Variants in BEST1 observed in about 807,000 individuals in gnomAD.
BEST1 encodes bestrophin-1.
In BEST1, 58 loss-of-function variants were observed where a neutral mutation model predicts 63.3. The ratio of observed to expected loss-of-function variants is 0.92; its 90% CI spans 0.74 to 1.14. The LOEUF (loss-of-function observed/expected upper bound fraction) is 1.14, where lower values mean the gene tolerates loss of function less well. Among genes scored for constraint, BEST1 ranks in the 50% most tolerant of loss-of-function variants. The pLI is 0.00. For missense variants in BEST1, 671 were observed against 740.1 expected (o/e 0.91, Z 1.08); for synonymous variants, 283 against 291.6 (o/e 0.97, Z 0.30).
At position 61,958,208 on chromosome 11, in the gene BEST1, C is replaced by A; in HGVS notation, c.777C>A (p.Asn259Lys). 6.2e-7 allele frequency: 1 copy of A among 1,614,168 alleles called. No homozygotes were observed. The change falls in exon 7 of 11, where the codon AAC (asparagine) becomes AAA (lysine). Residue 259 changes from asparagine to lysine, a missense_variant. Asn to Lys is a moderately conservative substitution (Grantham distance 94). Transcript: ENST00000378043. ...GTCTAGTTGGGCGGCAGTTTCTGAA[C>A]CCAGCCAAGGCCTACCCTGGCCATG... ...LTCLVGRQFL[N>K]PAKAYPGHEL...
Position 61,956,889 on chromosome 11 carries a change from T to C in BEST1, c.527T>C (p.Leu176Pro). 6.2e-7 allele frequency: 1 copy of C among 1,614,166 alleles called. No individual in the cohort carries two copies. The highest frequency in any genetic ancestry group is 8.5e-7 in the Non-Finnish European group (1 of 1,180,022). ...CACAAGCAGTTGGAGAAACTGAGCC[T>C]ACCACACAACATGTTCTGGGTGCCC... ...AEHKQLEKLS[L>P]PHNMFWVPWV... The change falls in exon 5 of 11, where the codon CTA becomes CCA. Residue 176 changes from leucine (L) to proline (P), a missense_variant. By Grantham distance (98) the Leu-to-Pro change is moderately conservative. Transcript: ENST00000378043.
chr11:61,952,588 T>C (rs2134413980), intron 2 of BEST1, among the ~76,000 whole-genome samples: 1 of 149,660 alleles, frequency 6.7e-6, no homozygotes, highest in Middle Eastern at 3.6e-3. Flanking sequence ...TGCCTTAGCC[T>C]CCTGAGTAGC....
In BEST1 at chr11:61,964,110, A is replaced by T. The variant is rs2134480680; in HGVS notation, c.1746A>T (p.Glu582Asp). 1 of 1,613,996 alleles carries T rather than the reference A, an allele frequency of 6.2e-7. No homozygotes were observed. The highest frequency in any genetic ancestry group is 2.2e-5 in the East Asian group (1 of 44,880). Residue 582 changes from glutamate to aspartate, a missense_variant, in exon 11 of 11, where the codon GAA becomes GAT. Coordinates refer to ENST00000378043, the MANE Select transcript of BEST1 (RefSeq NM_004183.4). ...DPYWALENRD[E>D]AHS Reference sequence around the variant, plus strand: ...ATACTTTCATTCTCACTAGGGATGAAGCACATTCCTAACCTGCTTCCTAAT... The same window carrying T: ...ATACTTTCATTCTCACTAGGGATGATGCACATTCCTAACCTGCTTCCTAAT...
At chr11:61,954,747 T>G (rs1474506592) in intron 2 of BEST1, 1 of 968,642 alleles carries the variant, frequency 1.0e-6, no homozygotes, top group African/African-American at 1.8e-5. Flanking sequence ...ACCGTGCCCG[T>G]CCCAAACACT....
At position 61,955,917 on chromosome 11, in the gene BEST1, G is replaced by A. The variant is rs1459263552; in HGVS notation, c.447G>A (p.Lys149=). The A allele has an allele frequency of 6.5e-7, 1 of 1,550,000 alleles. No homozygotes were observed. The highest frequency in any genetic ancestry group is 1.2e-5 in the South Asian group (1 of 84,038). Residue 149 remains lysine (K), a synonymous_variant, in exon 4 of 11, where the codon AAG becomes AAA. Coordinates refer to ENST00000378043, the MANE Select transcript of BEST1 (RefSeq NM_004183.4). ...ILRSVSTAVY[K]RFPSAQHLVQ... ...GCAGCGTCAGCACCGCAGTCTACAA[G>A]CGCTTCCCCAGCGCCCAGCACCTGG...
chr11:61,963,670 T>C, intron 10 of BEST1: 1 of 1,059,838 alleles, frequency 9.4e-7, no homozygotes, highest in Middle Eastern at 4.7e-4. Context: ...GGCAACAATT[T>C]CAGTCTTGCT....
chr11:61,963,111 C>A, intron 10 of BEST1: 1 of 1,462,026 alleles, frequency 6.8e-7, no homozygotes, highest in South Asian at 1.5e-5. Context: ...ACCCTGGTAT[C>A]ACCCGGAAGA....
chr11:61,959,073 A>T (rs1228940009), intron 7 of BEST1: 1 of 290,020 alleles, frequency 3.4e-6, no homozygotes, highest in East Asian at 8.4e-5. Flanking sequence ...GACGCGTGTC[A>T]CCTCTTCGGG....
At chr11:61,963,110 T>A in intron 10 of BEST1, 1 of 1,463,254 alleles carries the variant, frequency 6.8e-7, no homozygotes, top group Non-Finnish European at 9.0e-7. Context: ...CACCCTGGTA[T>A]CACCCGGAAG....
chr11:61,962,864 C>T lies in BEST1; in HGVS notation c.1710C>T (p.His570=). ...ACATACACACTACACTCAAAGATCA[C>T]ATGGATCCTTATTGGGCCTTGGAAA... ...PTNIHTTLKD[H]MDPYWALENR... The change falls in exon 10 of 11, where the codon CAC becomes CAT. Residue 570 remains histidine (H), a synonymous_variant. Transcript: ENST00000378043. 1 of 1,614,190 alleles carries T rather than the reference C, an allele frequency of 6.2e-7. No homozygotes were observed.
Position 61,962,099 on chromosome 11 carries a change from G to C in BEST1, c.1101-156G>C, listed in dbSNP as rs1015398139. The C allele has an allele frequency of 1.4e-5, 10 of 740,554 alleles. No homozygotes were observed. The African/African-American group carries it at 1.7e-4, about 13-fold the overall frequency. 45.9% of individuals were successfully genotyped at this position (740,554 alleles called of 1,614,324 possible). A position where few individuals can be genotyped will look rare whatever the true frequency, so the allele number is the denominator to read the frequency against. Reference sequence around the variant, plus strand: ...AGGGATCACCGGGAGGTACAGGACAGATCAGGAGAGAGGTGAGAGCTGGGG... The same window carrying C: ...AGGGATCACCGGGAGGTACAGGACACATCAGGAGAGAGGTGAGAGCTGGGG... On this transcript the variant is annotated intron_variant, in intron 9 of 10. Transcript: ENST00000378043.
At chr11:61,959,758 A>G in intron 8 of BEST1, 134 bp from the exon 9 acceptor site, 2 of 1,387,786 alleles carry the variant, frequency 1.4e-6, no homozygotes, top group Non-Finnish European at 2.0e-6. Context: ...GCAGGCAGGC[A>G]CCCATCTCCC....
intron 3 of BEST1, 184 bp downstream of exon 3, chr11:61,955,385 T>G (rs1030579218): frequency 1.4e-6 from 2 of 1,464,720 alleles, no homozygotes; most frequent in Non-Finnish European, 1.8e-6. Flanking sequence ...AGTTAGACGT[T>G]AGGTAAGACG....
intron 7 of BEST1, chr11:61,959,290 G>A: frequency 6.4e-6 from 4 of 623,512 alleles, no homozygotes; most frequent in Non-Finnish European, 1.2e-5. Context: ...GGAAGGACTG[G>A]CTCAGAAGAG....
chr11:61,952,314 A>T (rs1348378036), intron 2 of BEST1, among the ~76,000 whole-genome samples: 1 of 44,974 alleles, frequency 2.2e-5, no homozygotes, highest in African/African-American at 3.6e-4. Context: ...AGAGAGAGAG[A>T]GAGAGAGAGA....
chr11:61,959,828 G>A (rs1565037102), intron 8 of BEST1, 64 bp from the exon 9 acceptor site: 1 of 1,597,706 alleles, frequency 6.3e-7, no homozygotes, highest in African/African-American at 1.3e-5. Context: ...CAAGTCATCA[G>A]GCACATACAA....
At chr11:61,957,989 CA>C (rs1439667327) in intron 6 of BEST1, among the ~76,000 whole-genome samples, 156 bp from the exon 7 acceptor site, 2 of 151,646 alleles carry the variant, frequency 1.3e-5, no homozygotes, top group Non-Finnish European at 2.9e-5. Context: ...AACAAACAAA[CA>C]AACAAACAAA....
At chr11:61,955,344 G>A (rs1439738406) in intron 3 of BEST1, 143 bp downstream of exon 3, 3 of 1,524,584 alleles carry the variant, frequency 2.0e-6, no homozygotes, top group Non-Finnish European at 2.6e-6. Context: ...TCTCTGTAGG[G>A]AAAGGTGCGG....
intron 1 of BEST1, among the ~76,000 whole-genome samples, chr11:61,951,363 C>T (rs1334392232): frequency 3.3e-5 from 5 of 152,072 alleles, no homozygotes; most frequent in South Asian, 2.1e-4. Context: ...ACCCGCACCA[C>T]GCCTGGATAA....
Sources: allele counts gnomAD v4.1 joint callset (sites outside exome capture counted in the v4.1 genomes callset), GRCh38; gene constraint gnomAD v4.1.1; transcripts MANE v1.5; gene names NCBI Gene and HGNC (gene_info 2026-07-23, HGNC 2026-07-21).